The following EFHC2 variants were observed in gnomAD, a reference collection of about 807,000 sequenced individuals.
EFHC2 encodes the protein EF-hand domain containing 2, also known as EF-hand domain-containing family member C2.
In EFHC2, 18 loss-of-function variants were observed where a neutral mutation model predicts 52.7. That is an observed-to-expected ratio of 0.34 (90% confidence interval 0.24 to 0.51). The LOEUF (loss-of-function observed/expected upper bound fraction) is 0.51. Among genes scored for constraint, EFHC2 ranks in the 20% least tolerant of loss-of-function variants. The pLI is 0.97. For synonymous variants in EFHC2, 203 were observed against 204.1 expected (o/e 0.99, Z 0.04); for missense variants, 513 against 562.5 (o/e 0.91, Z 0.89).
intron 11 of EFHC2, among the ~76,000 whole-genome samples, chrX:44,189,842 T>C (rs751115280): frequency 2.4e-4 from 27 of 110,955 alleles, no homozygotes; most frequent in African/African-American, 8.8e-4. Context: ...TGTGGGGGCA[T>C]GGGTGTGGTT....
intron 2 of EFHC2, chrX:44,284,839 G>A (rs1001696542): frequency 1.8e-5 from 2 of 111,871 alleles, no homozygotes; most frequent in Admixed American, 9.5e-5. Flanking sequence ...TAAATGTTCC[G>A]GATAACTATA....
At chrX:44,291,921 A>C (rs2037794624) in intron 2 of EFHC2, among the ~76,000 whole-genome samples, 1 of 112,053 alleles carries the variant, frequency 8.9e-6, no homozygotes, top group African/African-American at 3.2e-5. Context: ...CAATTAAAAA[A>C]CACTTGATAT....
intron 14 of EFHC2, among the ~76,000 whole-genome samples, chrX:44,154,414 T>G (rs1034637861): frequency 2.7e-5 from 3 of 111,525 alleles, no homozygotes; most frequent in Non-Finnish European, 5.7e-5. Context: ...TAAGCTCTAA[T>G]CATTAGGTCA....
chrX:44,220,787 T>C (rs748509181), intron 11 of EFHC2, among the ~76,000 whole-genome samples: 1 of 112,456 alleles, frequency 8.9e-6, no homozygotes, highest in East Asian at 2.8e-4. Context: ...CAATAAATAT[T>C]GTGCATGCAC....
At chrX:44,322,432 T>C (rs1464860747) in intron 1 of EFHC2, among the ~76,000 whole-genome samples, 1 of 112,132 alleles carries the variant, frequency 8.9e-6, no homozygotes, top group East Asian at 2.8e-4. Flanking sequence ...TCCCTGTTCA[T>C]GTTACCTGGC....
chrX:44,313,110 A>T (rs1602212352), intron 1 of EFHC2, among the ~76,000 whole-genome samples: 1 of 82,762 alleles, frequency 1.2e-5, no homozygotes, highest in East Asian at 3.1e-4. Flanking sequence ...AAAAAAAAAA[A>T]AAGAAAGAAA....
intron 2 of EFHC2, among the ~76,000 whole-genome samples, chrX:44,279,096 C>T (rs994127459): frequency 3.6e-5 from 4 of 112,292 alleles, no homozygotes; most frequent in African/African-American, 9.7e-5. Flanking sequence ...AATCCCAGCA[C>T]TTTGGAAGGC....
At chrX:44,308,432 A>G (rs1021649456) in intron 2 of EFHC2, among the ~76,000 whole-genome samples, 1 of 111,968 alleles carries the variant, frequency 8.9e-6, no homozygotes, top group African/African-American at 3.2e-5. Flanking sequence ...AAAAAAAAGA[A>G]AAAAAAACTC....
intron 2 of EFHC2, among the ~76,000 whole-genome samples, chrX:44,277,458 T>C (rs1248452263): frequency 9.0e-6 from 1 of 111,156 alleles, no homozygotes; most frequent in Non-Finnish European, 1.9e-5. Flanking sequence ...AAAAGGGATA[T>C]AATGGTAAGG....
chrX:44,324,836 G>A (rs749013378), intron 1 of EFHC2, among the ~76,000 whole-genome samples: 1 of 111,929 alleles, frequency 8.9e-6, no homozygotes, highest in South Asian at 3.7e-4. Context: ...CACCCAAAGA[G>A]TATTATCCAG....
chrX:44,305,395 T>G (rs192754824), intron 2 of EFHC2, among the ~76,000 whole-genome samples: 103 of 112,592 alleles, frequency 9.1e-4, no homozygotes, highest in African/African-American at 3.2e-3. Flanking sequence ...CCAATATAAC[T>G]TCCATGGCAC....
chrX:44,211,873 A>G (rs1489887963), intron 11 of EFHC2, among the ~76,000 whole-genome samples: 1 of 107,356 alleles, frequency 9.3e-6, no homozygotes, highest in Non-Finnish European at 1.9e-5. Context: ...TCTCAAAAAA[A>G]AAAAAAAAAA....
At chrX:44,258,270 C>T (rs1177771553) in intron 4 of EFHC2, among the ~76,000 whole-genome samples, 1 of 111,101 alleles carries the variant, frequency 9.0e-6, no homozygotes, top group African/African-American at 3.3e-5. Context: ...CAACAAAAGC[C>T]AAAATTGACA....
intron 3 of EFHC2, among the ~76,000 whole-genome samples, chrX:44,268,279 A>G (rs1474649156): frequency 9.0e-6 from 1 of 111,335 alleles, no homozygotes; most frequent in Non-Finnish European, 1.9e-5. Context: ...GACTATCTTC[A>G]GCTTGCCTTT....
intron 11 of EFHC2, among the ~76,000 whole-genome samples, chrX:44,211,610 C>G (rs1432971656): frequency 9.2e-6 from 1 of 108,520 alleles, no homozygotes; most frequent in Non-Finnish European, 1.9e-5. Flanking sequence ...GCCTGTAATC[C>G]CAGCACTTTG....
chrX:44,237,611 T>C (rs1201471378), intron 8 of EFHC2, among the ~76,000 whole-genome samples: 2 of 112,005 alleles, frequency 1.8e-5, no homozygotes, highest in East Asian at 5.6e-4. Context: ...TTGCTCTACC[T>C]AAACTGCTCT....
chrX:44,237,001 G>T (rs192946080), intron 8 of EFHC2, among the ~76,000 whole-genome samples: 3 of 110,014 alleles, frequency 2.7e-5, no homozygotes, highest in East Asian at 2.8e-4. Context: ...TTTTTCACAC[G>T]TTCAATATGC....
At chrX:44,174,259 C>T (rs886244425) in intron 13 of EFHC2, among the ~76,000 whole-genome samples, 1 of 111,423 alleles carries the variant, frequency 9.0e-6, no homozygotes, top group African/African-American at 3.3e-5. Context: ...CAGGTCAAAA[C>T]CCTTGCACAA....
intron 11 of EFHC2, among the ~76,000 whole-genome samples, chrX:44,180,079 T>C (rs1186971859): frequency 8.9e-6 from 1 of 111,841 alleles, no homozygotes; most frequent in Non-Finnish European, 1.9e-5. Context: ...CCGTGTAGTC[T>C]GGCTCTAAAG....
Sources: gnomAD v4.1 joint callset for allele counts (sites outside exome capture counted in the v4.1 genomes callset) on GRCh38, gnomAD v4.1.1 for gene constraint, MANE v1.5 for transcripts, NCBI Gene and HGNC (gene_info 2026-07-23, HGNC 2026-07-21) for gene names.